TTK: variants seen among roughly 807,000 people sequenced by gnomAD.
The protein encoded by TTK is dual specificity protein kinase TTK.
In TTK, 59 loss-of-function variants were observed where a neutral mutation model predicts 117.3. The ratio of observed to expected loss-of-function variants is 0.50; its 90% CI spans 0.41 to 0.62. The LOEUF (loss-of-function observed/expected upper bound fraction) is 0.62. TTK is among the 20% of genes least tolerant of loss of function. TTK has a pLI of 0.00. For synonymous variants in TTK, 302 were observed against 325.0 expected (o/e 0.93, Z 0.76); for missense variants, 921 against 989.4 (o/e 0.93, Z 0.93).
Position 80,031,581 on chromosome 6 carries a change from C to T in TTK, c.1614+22C>T, listed in dbSNP as rs771737019. ...CAAGGTAAGTATCTTAAAATATTTA[C>T]GAAATAAATAAAAATATTTTAAACT... is the stretch of plus-strand genomic sequence containing the variant. On this transcript the variant is annotated intron_variant, in intron 14 of 21. Transcript: ENST00000369798. 1.1e-5 allele frequency: 16 copies of T among 1,428,414 alleles called. No individual in the cohort carries two copies. The East Asian group carries it at 1.3e-4, about 12-fold the overall frequency. The allele number at this position is 1,428,414 out of a possible 1,614,324, so 88.5% of individuals were successfully genotyped here.
intron 14 of TTK, among the ~76,000 whole-genome samples, chr6:80,031,979 G>T (rs766163332): frequency 6.6e-6 from 1 of 152,084 alleles, no homozygotes; most frequent in Non-Finnish European, 1.5e-5. Flanking sequence ...TTCAGAAACA[G>T]AATTCAGTAA....
chr6:80,031,552 CAAGCAAGGT>C lies in TTK; in HGVS notation c.1611_1614+5del. 1 of 1,509,596 alleles carries C rather than the reference CAAGCAAGGT, an allele frequency of 6.6e-7. No individual in the cohort carries two copies. 93.5% of individuals were successfully genotyped at this position (1,509,596 alleles called of 1,614,324 possible). A position where few individuals can be genotyped will look rare whatever the true frequency, so the allele number is the denominator to read the frequency against. On this transcript the variant is annotated splice_donor_variant and coding_sequence_variant, in exon 14 of 22. Coordinates refer to ENST00000369798, the MANE Select transcript of TTK (RefSeq NM_003318.5). LOFTEE classifies it high-confidence loss of function. ...TTAAAGCAGATAGGAAGTGGAGGTTCAAGCAAGGTAAGTATCTTAAAATATTTACGAAAT... is the reference window on the plus strand; with the variant it reads ...TTAAAGCAGATAGGAAGTGGAGGTTCAAGTATCTTAAAATATTTACGAAAT...
chr6:80,034,083 A>C (rs1378492870), intron 14 of TTK, among the ~76,000 whole-genome samples: 1 of 152,180 alleles, frequency 6.6e-6, no homozygotes. Context: ...TTCTGAATTC[A>C]ATTAAATTAT....
At chr6:80,015,715 A>G (rs1767290129) in intron 10 of TTK, among the ~76,000 whole-genome samples, 2 of 152,240 alleles carry the variant, frequency 1.3e-5, no homozygotes, top group South Asian at 4.1e-4. Context: ...TGTTAATAGT[A>G]CTCTCAATAC....
chr6:80,009,821 G>C (rs1414038098), intron 4 of TTK, among the ~76,000 whole-genome samples: 1 of 151,966 alleles, frequency 6.6e-6, no homozygotes, highest in Non-Finnish European at 1.5e-5. Flanking sequence ...TCTGGTGTGT[G>C]AGTATTTTTA....
intron 14 of TTK, among the ~76,000 whole-genome samples, chr6:80,032,206 T>TCTTAG (rs1767777084): frequency 6.6e-6 from 1 of 152,198 alleles, no homozygotes; most frequent in Non-Finnish European, 1.5e-5. Context: ...TTTTGCCAAA[T>TCTTAG]CTAATTCTTA....
intron 4 of TTK, among the ~76,000 whole-genome samples, chr6:80,008,788 A>G (rs2127714969): frequency 6.6e-6 from 1 of 152,226 alleles, no homozygotes; most frequent in East Asian, 1.9e-4. Flanking sequence ...GAGTATTTGT[A>G]GGAAGAAGGA....
intron 8 of TTK, 49 bp from the exon 9 acceptor site, chr6:80,013,230 T>A (rs1408967968): frequency 6.8e-6 from 10 of 1,470,058 alleles, no homozygotes; most frequent in African/African-American, 1.5e-5. Flanking sequence ...CATTGAAAAT[T>A]TTTTTTTTCA....
intron 14 of TTK, among the ~76,000 whole-genome samples, chr6:80,033,240 T>C (rs1489234621): frequency 3.3e-5 from 5 of 152,326 alleles, no homozygotes; most frequent in Admixed American, 1.3e-4. Context: ...TCTTTCTGTA[T>C]TTAGCCTATT....
chr6:80,007,990 GAGTT>G lies in TTK; in HGVS notation c.322_325del (p.Ser108LeufsTer6). ...CCCCAGATAAATATGGCCAAAATGA[GAGTT>G]TTGCTAGAATTCAAGTGAGATTTGC... On this transcript the variant is annotated frameshift_variant, in exon 3 of 22. Transcript: ENST00000369798. LOFTEE classifies it high-confidence loss of function. The G allele has an allele frequency of 1.2e-6, 2 of 1,610,380 alleles. No individual in the cohort carries two copies. The highest frequency in any genetic ancestry group is 1.7e-6 in the Non-Finnish European group (2 of 1,176,858).
chr6:80,028,438 C>G (rs992947856), intron 13 of TTK, among the ~76,000 whole-genome samples: 4 of 151,920 alleles, frequency 2.6e-5, no homozygotes, highest in Non-Finnish European at 4.4e-5. Flanking sequence ...GTGCCTTAGC[C>G]TCCCGAGTAG....
In TTK at chr6:80,010,949, A is replaced by C. The variant is rs1319602298; in HGVS notation, c.605A>C (p.Asn202Thr). ...KQLLSEEEKK[N>T]LSASTVLTAQ... ...CTGCTTTCAGAGGAGGAAAAGAAGAATTTATCAGGTAACTATTAAGGTATA... is the reference window on the plus strand; with the variant it reads ...CTGCTTTCAGAGGAGGAAAAGAAGACTTTATCAGGTAACTATTAAGGTATA... Residue 202 changes from asparagine (N) to threonine (T), a missense_variant, in exon 5 of 22, where the codon AAT becomes ACT. Coordinates refer to ENST00000369798, the MANE Select transcript of TTK (RefSeq NM_003318.5). 6.2e-7 allele frequency: 1 copy of C among 1,611,734 alleles called. No homozygotes were observed. The highest frequency in any genetic ancestry group is 8.5e-7 in the Non-Finnish European group (1 of 1,178,336).
rs775788767 is a variant in TTK at position 80,005,880 on chromosome 6, A to G, written c.37A>G (p.Ile13Val). The change falls in exon 2 of 22, where the codon ATT (isoleucine) becomes GTT (valine). Residue 13 changes from isoleucine (I) to valine (V), a missense_variant. Coordinates refer to ENST00000369798, the MANE Select transcript of TTK (RefSeq NM_003318.5). ...GGATTTAAGTGGCAGAGAATTGACA[A>G]TTGATTCCATAATGAACAAAGTGAG... Reference protein sequence around the residue: ...SEDLSGRELTIDSIMNKVRDI... With the variant: ...SEDLSGRELTVDSIMNKVRDI... 1.9e-6 allele frequency: 3 copies of G among 1,612,820 alleles called. No homozygotes were observed. The highest frequency in any genetic ancestry group is 1.3e-5 in the African/African-American group (1 of 74,828).
chr6:80,022,579 G>A, intron 11 of TTK, 107 bp downstream of exon 11: 1 of 1,206,948 alleles, frequency 8.3e-7, no homozygotes, highest in Non-Finnish European at 1.1e-6. Context: ...ATGATATTTA[G>A]TAGAATAGTT....
chr6:80,011,468 C>T lies in TTK; in HGVS notation c.648C>T (p.Ser216=), dbSNP rs781359876. The T allele has an allele frequency of 7.5e-6, 12 of 1,604,932 alleles. No individual in the cohort carries two copies. Among genetic ancestry groups the T allele is most frequent in the African/African-American group, 4.0e-5 (3 of 74,396 alleles). ...TATTAACTGCCCAAGAATCATTTTCCGGTTCACTTGGGCATTTACAGAATA... is the reference window on the plus strand; with the variant it reads ...TATTAACTGCCCAAGAATCATTTTCTGGTTCACTTGGGCATTTACAGAATA... ...STVLTAQESF[S]GSLGHLQNRN... The change falls in exon 6 of 22, where the codon TCC becomes TCT. Residue 216 remains serine, a synonymous_variant. Coordinates refer to ENST00000369798, the MANE Select transcript of TTK (RefSeq NM_003318.5).
At chr6:80,034,911 C>G in intron 14 of TTK, 74 bp from the exon 15 acceptor site, 1 of 1,239,002 alleles carries the variant, frequency 8.1e-7, no homozygotes, top group Non-Finnish European at 1.1e-6. Context: ...ACCTAAAATC[C>G]TAATAAATTT....
At chr6:80,020,504 G>A (rs1056397571) in intron 10 of TTK, among the ~76,000 whole-genome samples, 1 of 152,198 alleles carries the variant, frequency 6.6e-6, no homozygotes, top group African/African-American at 2.4e-5. Flanking sequence ...AGAGAAAATA[G>A]AGAGCTAGCT....
intron 14 of TTK, among the ~76,000 whole-genome samples, chr6:80,032,561 A>G (rs867597746): frequency 6.6e-6 from 1 of 152,204 alleles, no homozygotes; most frequent in African/African-American, 2.4e-5. Flanking sequence ...ATTTAAAACA[A>G]TATGTCCAAA....
chr6:80,012,624 G>T (rs974217706), intron 8 of TTK, among the ~76,000 whole-genome samples: 15 of 151,984 alleles, frequency 9.9e-5, no homozygotes, highest in African/African-American at 3.1e-4. Context: ...ACAGTCCAGA[G>T]AATCATTTTG....
Sources: allele counts gnomAD v4.1 joint callset (sites outside exome capture counted in the v4.1 genomes callset), GRCh38; gene constraint gnomAD v4.1.1; transcripts MANE v1.5; gene names NCBI Gene and HGNC (gene_info 2026-07-23, HGNC 2026-07-21).